The following KCNJ15 variants were observed in gnomAD, a reference collection of about 807,000 sequenced individuals.
KCNJ15 encodes the protein ATP-sensitive inward rectifier potassium channel 15.
Under a neutral mutation model 23.0 loss-of-function variants are expected in KCNJ15, and 14 were observed. The ratio of observed to expected loss-of-function variants is 0.61; its 90% CI spans 0.40 to 0.95. The LOEUF is 0.95. Ranked by LOEUF, KCNJ15 falls within the 40% of genes least tolerant of loss-of-function variation. The pLI is 0.00. For synonymous variants in KCNJ15, 185 were observed against 183.2 expected, an observed-to-expected ratio of 1.01 and a Z score of -0.08; for missense variants, 388 against 461.8, an observed-to-expected ratio of 0.84 and a Z score of 1.46.
At chr21:38,236,389 C>T (rs532811943) in intron 1 of KCNJ15, among the ~76,000 whole-genome samples, 1 of 152,338 alleles carries the variant, frequency 6.6e-6, no homozygotes, top group Non-Finnish European at 1.5e-5. Flanking sequence ...AGTATTACTG[C>T]ACAAATACCC....
chr21:38,248,637 C>G (rs1222802024), intron 1 of KCNJ15, among the ~76,000 whole-genome samples: 1 of 152,166 alleles, frequency 6.6e-6, no homozygotes, highest in Non-Finnish European at 1.5e-5. Context: ...AACAGCAGAT[C>G]TTGAAGGAAC....
chr21:38,277,338 C>A (rs1293313937), intron 1 of KCNJ15, among the ~76,000 whole-genome samples: 1 of 152,044 alleles, frequency 6.6e-6, no homozygotes, highest in Non-Finnish European at 1.5e-5. Context: ...AAAATGGTCA[C>A]CAGATGAATA....
chr21:38,276,019 TC>T (rs1982653024), intron 1 of KCNJ15, among the ~76,000 whole-genome samples: 1 of 152,060 alleles, frequency 6.6e-6, no homozygotes, highest in African/African-American at 2.4e-5. Flanking sequence ...TAAGACAAGG[TC>T]CTTGTCTTTA....
intron 1 of KCNJ15, among the ~76,000 whole-genome samples, chr21:38,275,858 T>C (rs1169865324): frequency 6.6e-6 from 1 of 152,206 alleles, no homozygotes; most frequent in Non-Finnish European, 1.5e-5. Flanking sequence ...TATTTTTTTT[T>C]CCTACAGAAA....
chr21:38,237,805 C>T (rs982770574), intron 1 of KCNJ15, among the ~76,000 whole-genome samples: 4 of 152,114 alleles, frequency 2.6e-5, no homozygotes, highest in Non-Finnish European at 5.9e-5. Flanking sequence ...AGAGGAAAAC[C>T]ATGAGAAGGA....
At chr21:38,296,247 G>C (rs971135826) in intron 1 of KCNJ15, among the ~76,000 whole-genome samples, 7 of 141,468 alleles carry the variant, frequency 4.9e-5, no homozygotes, top group African/African-American at 2.2e-4. Flanking sequence ...ATAAATGATA[G>C]ATTAGAGAGA....
chr21:38,247,280 GGATA>G (rs1979475021), intron 1 of KCNJ15, among the ~76,000 whole-genome samples: 2 of 149,658 alleles, frequency 1.3e-5, no homozygotes, highest in South Asian at 4.3e-4. Context: ...ATGGCTAAAT[GGATA>G]GATGGATAGA....
chr21:38,230,937 A>G (rs1213762505), intron 1 of KCNJ15, among the ~76,000 whole-genome samples: 1 of 152,052 alleles, frequency 6.6e-6, no homozygotes, highest in East Asian at 1.9e-4. Context: ...TAGAATCACC[A>G]TGTCAGTTTC....
rs144682832 is a variant in KCNJ15 at position 38,299,650 on chromosome 21, A to G, written c.389A>G (p.Tyr130Cys). Residue 130 changes from tyrosine to cysteine, a missense_variant, in exon 3 of 3, where the codon TAT (tyrosine) becomes TGT (cysteine). Physicochemically the swap from Tyr to Cys is radical, Grantham distance 194 (BLOSUM62 -2). Coordinates refer to ENST00000398938, the MANE Select transcript of KCNJ15 (RefSeq NM_170736.3). This position sits in a 1 kb window ranked among gnomAD's most constrained non-coding sequence, Gnocchi z 4.5. ...FSLESQTTIG[Y>C]GVRSITEECP... ...CTGGAATCCCAGACAACCATTGGCTATGGAGTCCGTTCCATCACAGAGGAA... is the reference window on the plus strand; with the variant it reads ...CTGGAATCCCAGACAACCATTGGCTGTGGAGTCCGTTCCATCACAGAGGAA... 17 of 1,614,086 alleles carry G rather than the reference A, an allele frequency of 1.1e-5. No individual in the cohort carries two copies. Among genetic ancestry groups the G allele is most frequent in the Non-Finnish European group, 1.4e-5 (16 of 1,180,048 alleles).
chr21:38,272,886 T>G (rs746993692), intron 1 of KCNJ15, among the ~76,000 whole-genome samples: 1 of 152,190 alleles, frequency 6.6e-6, no homozygotes, highest in Non-Finnish European at 1.5e-5. Context: ...GACTGGAACC[T>G]CAATTTATCT....
At chr21:38,233,127 A>G (rs1265749521) in intron 1 of KCNJ15, among the ~76,000 whole-genome samples, 3 of 151,948 alleles carry the variant, frequency 2.0e-5, no homozygotes, top group African/African-American at 7.2e-5. Flanking sequence ...ATTTTGGGAC[A>G]CTGTTGTTAG....
intron 1 of KCNJ15, among the ~76,000 whole-genome samples, chr21:38,288,775 C>G (rs1984253595): frequency 6.6e-6 from 1 of 152,180 alleles, no homozygotes; most frequent in Non-Finnish European, 1.5e-5. Context: ...CATAAAAAGG[C>G]ATGATCCAGT....
intron 1 of KCNJ15, among the ~76,000 whole-genome samples, chr21:38,245,663 A>AGAAGAAAGAAAGAAGGAAAGG (rs1000548797): frequency 6.6e-6 from 1 of 151,890 alleles, no homozygotes; most frequent in African/African-American, 2.4e-5. Context: ...GAGAAAGGAA[A>AGAAGAAAGAAAGAAGGAAAGG]GAAGAAAGAA....
At chr21:38,291,527 C>A (rs1984612208) in intron 1 of KCNJ15, 1 of 152,222 alleles carries the variant, frequency 6.6e-6, no homozygotes, top group Non-Finnish European at 1.5e-5. Flanking sequence ...TGACTTTCTC[C>A]ATTCCTTTGT....
At chr21:38,259,109 C>A (rs1980602589) in intron 1 of KCNJ15, among the ~76,000 whole-genome samples, 1 of 152,130 alleles carries the variant, frequency 6.6e-6, no homozygotes, top group Non-Finnish European at 1.5e-5. Context: ...TGGCTTTAGG[C>A]ACGGAATAGA....
rs958901819 is a variant in KCNJ15, at chr21:38,302,171, T to C, written c.*1782T>C. The C allele has an allele frequency of 6.6e-6, 1 of 152,254 alleles. No homozygotes were observed. Among genetic ancestry groups the C allele is most frequent in the African/African-American group, 2.4e-5 (1 of 41,474 alleles). The allele number at this position is 152,254 out of a possible 1,614,324, so 9.4% of individuals were successfully genotyped here. A position where few individuals can be genotyped will look rare whatever the true frequency, so the allele number is the denominator to read the frequency against. On this transcript the variant is annotated 3_prime_UTR_variant, in exon 3 of 3. Transcript: ENST00000398938. ...TAAGACAGCAAGTCCTTGACAAATA[T>C]GTTCATGTCTATTTGGTTCTAGTTC...
At chr21:38,268,987 G>C (rs1310131650) in intron 1 of KCNJ15, 1 of 152,134 alleles carries the variant, frequency 6.6e-6, no homozygotes, top group Non-Finnish European at 1.5e-5. Flanking sequence ...CCCCACCTAT[G>C]GGCTGAGGGA....
At chr21:38,289,229 T>C (rs931868492) in intron 1 of KCNJ15, among the ~76,000 whole-genome samples, 20 of 149,632 alleles carry the variant, frequency 1.3e-4, no homozygotes, top group African/African-American at 5.0e-4. Context: ...GGTCAAATAC[T>C]TGCTTCTCTA....
At chr21:38,259,958 A>G (rs1980705689) in intron 1 of KCNJ15, among the ~76,000 whole-genome samples, 1 of 152,196 alleles carries the variant, frequency 6.6e-6, no homozygotes, top group Non-Finnish European at 1.5e-5. Flanking sequence ...ATCTTCCCTA[A>G]AAGAACACAA....
Sources: gnomAD v4.1 joint callset for allele counts (sites outside exome capture counted in the v4.1 genomes callset) on GRCh38, gnomAD v4.1.1 for gene constraint, Gnocchi (gnomAD v3.1) non-coding constraint, MANE v1.5 for transcripts, NCBI Gene and HGNC (gene_info 2026-07-23, HGNC 2026-07-21) for gene names.